The following MVB12B variants were observed in gnomAD, a reference collection of about 807,000 sequenced individuals.
MVB12B encodes ESCRT-I complex subunit MVB12B.
In MVB12B, 16 loss-of-function variants were observed where a neutral mutation model predicts 41.6. That is an observed-to-expected ratio of 0.38 (90% CI 0.26 to 0.58). The LOEUF is 0.58. Ranked by LOEUF, MVB12B falls within the 20% of genes least tolerant of loss-of-function variation. MVB12B has a pLI of 0.62. For missense variants in MVB12B, 274 were observed against 380.2 expected (o/e 0.72, Z 2.32); for synonymous variants, 133 against 139.7 (o/e 0.95, Z 0.34).
At chr9:126,439,114 A>G (rs1209502269) in intron 7 of MVB12B, among the ~76,000 whole-genome samples, 3 of 152,060 alleles carry the variant, frequency 2.0e-5, no homozygotes, top group Non-Finnish European at 2.9e-5. Flanking sequence ...CACTTCCACC[A>G]GCAACACTGA....
chr9:126,329,434 G>A (rs1034685209), intron 1 of MVB12B, among the ~76,000 whole-genome samples: 3 of 152,300 alleles, frequency 2.0e-5, no homozygotes, highest in South Asian at 2.1e-4. Flanking sequence ...AGTTTGTTGC[G>A]GGGAGAGCAT....
In MVB12B at chr9:126,367,318, C is replaced by T. The variant is rs542051655; in HGVS notation, c.205-13746C>T. ...CACCTGCCCTGCAGCCTCCCAGGTT[C>T]CAGCTCCTCCCACCAGATCTCTGTG... is the stretch of plus-strand genomic sequence containing the variant. On this transcript the variant is annotated intron_variant, in intron 2 of 9. Transcript: ENST00000361171. The surrounding 1 kb of genome is among the most constrained non-coding windows in gnomAD (Gnocchi z 4.3). Among the ~76,000 whole-genome samples, 1 of 152,192 alleles carries T rather than the reference C, an allele frequency of 6.6e-6. No individual in the cohort carries two copies. The highest frequency in any genetic ancestry group is 2.1e-4 in the South Asian group (1 of 4,806).
intron 2 of MVB12B, among the ~76,000 whole-genome samples, chr9:126,349,754 C>T (rs1325112980): frequency 6.6e-6 from 1 of 152,148 alleles, no homozygotes; most frequent in Non-Finnish European, 1.5e-5. Context: ...TAACCATTTA[C>T]CCATTGAAGG....
At chr9:126,368,888 G>C (rs908482028) in intron 2 of MVB12B, among the ~76,000 whole-genome samples, 1 of 152,128 alleles carries the variant, frequency 6.6e-6, no homozygotes, top group South Asian at 2.1e-4. Flanking sequence ...TGTAATTTGT[G>C]TTTTTAATAT....
intron 7 of MVB12B, among the ~76,000 whole-genome samples, chr9:126,445,779 T>C (rs1832750971): frequency 1.3e-5 from 2 of 152,246 alleles, no homozygotes; most frequent in African/African-American, 4.8e-5. Flanking sequence ...TACAGGCTTC[T>C]GCCACTCCAC....
chr9:126,420,494 C>G (rs1831971314), intron 6 of MVB12B, among the ~76,000 whole-genome samples: 1 of 151,888 alleles, frequency 6.6e-6, no homozygotes, highest in East Asian at 1.9e-4. Flanking sequence ...AAGGCTCCTT[C>G]CGGTTCCAGC....
At position 126,376,263 on chromosome 9, in the gene MVB12B, A is replaced by G. The variant is rs1351279499; in HGVS notation, c.205-4801A>G. Among the ~76,000 whole-genome samples, 2 of 152,182 alleles carry G rather than the reference A, an allele frequency of 1.3e-5. No homozygotes were observed. Among genetic ancestry groups the G allele is most frequent in the Non-Finnish European group, 2.9e-5 (2 of 68,030 alleles). On this transcript the variant is annotated intron_variant, in intron 2 of 9. Coordinates refer to ENST00000361171, the MANE Select transcript of MVB12B (RefSeq NM_033446.3). The surrounding 1 kb of genome is among the most constrained non-coding windows in gnomAD (Gnocchi z 4.1). The stretch of plus-strand genomic sequence containing the variant: ...TACTCTGTTCTTGTTTGGTATTTGC[A>G]GTCTATTCACTCATCCCTCTGAGGA...
intron 9 of MVB12B, among the ~76,000 whole-genome samples, chr9:126,501,228 G>C (rs1322946938): frequency 6.6e-6 from 1 of 152,246 alleles, no homozygotes; most frequent in Non-Finnish European, 1.5e-5. Context: ...GCAACCAGAT[G>C]CTCAGTGATC....
At position 126,503,432 on chromosome 9, in the gene MVB12B, G is replaced by A. The variant is rs971635306; in HGVS notation, c.*169G>A. ...AGTGGGCGCATCCTGTCTTCAGCTG[G>A]CCTCACTGACACCCCGGCCTCCCTG... On this transcript the variant is annotated 3_prime_UTR_variant, in exon 10 of 10. Coordinates refer to ENST00000361171, the MANE Select transcript of MVB12B (RefSeq NM_033446.3). 25 of 613,726 alleles carry A rather than the reference G, an allele frequency of 4.1e-5. No individual in the cohort carries two copies. Among genetic ancestry groups the A allele is most frequent in the Non-Finnish European group, 6.9e-5 (24 of 348,342 alleles). 38.0% of individuals were successfully genotyped at this position (613,726 alleles called of 1,614,324 possible). A position where few individuals can be genotyped will look rare whatever the true frequency, so the allele number is the denominator to read the frequency against.
Position 126,373,041 on chromosome 9 carries a change from C to T in MVB12B, c.205-8023C>T, listed in dbSNP as rs553058409. Among the ~76,000 whole-genome samples, 27 of 152,252 alleles carry T rather than the reference C, an allele frequency of 1.8e-4. 1 individual carries two copies. The South Asian group carries it at 5.4e-3, about 30-fold the overall frequency. ...GCAAGGCCAACAGGGCTGGGTGGTCCACTGTGTCCCTGTGCCCCGTGAGTG... is the reference window on the plus strand; with the variant it reads ...GCAAGGCCAACAGGGCTGGGTGGTCTACTGTGTCCCTGTGCCCCGTGAGTG... On this transcript the variant is annotated intron_variant, in intron 2 of 9. Transcript: ENST00000361171.
intron 9 of MVB12B, among the ~76,000 whole-genome samples, chr9:126,489,357 C>T (rs1267090095): frequency 3.3e-5 from 5 of 152,208 alleles, no homozygotes; most frequent in African/African-American, 4.8e-5. Context: ...TGCCACACAG[C>T]GCGGCAGTCA....
intron 9 of MVB12B, among the ~76,000 whole-genome samples, chr9:126,499,397 C>T (rs1833905231): frequency 6.6e-6 from 1 of 152,098 alleles, no homozygotes; most frequent in Admixed American, 6.5e-5. Context: ...GCAGCTGGAC[C>T]GGGCTGTGCG....
At chr9:126,410,717 G>C (rs1012271783) in intron 6 of MVB12B, among the ~76,000 whole-genome samples, 1 of 151,966 alleles carries the variant, frequency 6.6e-6, no homozygotes, top group East Asian at 1.9e-4. Context: ...TTGGGCCACT[G>C]TCTAGACTCT....
intron 6 of MVB12B, among the ~76,000 whole-genome samples, chr9:126,404,759 C>A (rs1831369960): frequency 6.6e-6 from 1 of 152,240 alleles, no homozygotes; most frequent in Non-Finnish European, 1.5e-5. Context: ...ACCATCCCTC[C>A]CTCGCTTTGA....
chr9:126,357,605 CTTT>C (rs59206270), intron 2 of MVB12B, among the ~76,000 whole-genome samples: 1 of 142,972 alleles, frequency 7.0e-6, no homozygotes, highest in African/African-American at 2.6e-5. Context: ...TGATTTTGAG[CTTT>C]TTTTTTTTTG....
intron 6 of MVB12B, among the ~76,000 whole-genome samples, chr9:126,402,520 T>C (rs954043523): frequency 6.6e-6 from 1 of 152,206 alleles, no homozygotes. Context: ...GGCACAAGCC[T>C]GTGGTCCTAG....
Position 126,433,723 on chromosome 9 carries a change from A to T in MVB12B, c.757+11775A>T, listed in dbSNP as rs572817502. Reference sequence around the variant, plus strand: ...GATTACTGAGCCATTGCAGCCCGTGAGCATTCCTTGTGAGTATTCCCTGTG... The same window carrying T: ...GATTACTGAGCCATTGCAGCCCGTGTGCATTCCTTGTGAGTATTCCCTGTG... On this transcript the variant is annotated intron_variant, in intron 7 of 9. Coordinates refer to ENST00000361171, the MANE Select transcript of MVB12B (RefSeq NM_033446.3). 2.0e-5 allele frequency among the ~76,000 whole-genome samples: 3 copies of T among 152,188 alleles called. No homozygotes were observed. The East Asian group carries it at 5.8e-4, about 29-fold the overall frequency.
intron 3 of MVB12B, among the ~76,000 whole-genome samples, chr9:126,385,990 C>T (rs2118979455): frequency 6.6e-6 from 1 of 152,266 alleles, no homozygotes; most frequent in Admixed American, 6.5e-5. Flanking sequence ...TTAGGAGGCC[C>T]TTGTGCGTGT....
intron 8 of MVB12B, among the ~76,000 whole-genome samples, chr9:126,481,806 T>A (rs1335846730): frequency 6.6e-6 from 1 of 152,266 alleles, no homozygotes; most frequent in Non-Finnish European, 1.5e-5. Context: ...TGGTTGTGAA[T>A]GTTCTTTGTC....
Sources: gnomAD v4.1 joint callset for allele counts (sites outside exome capture counted in the v4.1 genomes callset) on GRCh38, gnomAD v4.1.1 for gene constraint, Gnocchi (gnomAD v3.1) non-coding constraint, MANE v1.5 for transcripts, NCBI Gene and HGNC (gene_info 2026-07-23, HGNC 2026-07-21) for gene names.